The following NLGN1 variants were observed in gnomAD, a reference collection of about 807,000 sequenced individuals.
NLGN1 encodes the protein neuroligin-1.
A neutral mutation model predicts 65.5 loss-of-function variants in NLGN1; 12 were observed. That is an observed-to-expected ratio of 0.18 (90% confidence interval 0.12 to 0.30). The LOEUF is 0.30. Ranked by LOEUF, NLGN1 falls within the 10% of genes least tolerant of loss-of-function variation. The pLI is 1.00. For synonymous variants in NLGN1, 350 were observed against 359.5 expected (o/e 0.97, Z 0.30); for missense variants, 750 against 1,007.1 (o/e 0.74, Z 3.46).
chr3:173,823,077 A>G (rs1383155564), intron 4 of NLGN1, among the ~76,000 whole-genome samples: 1 of 152,048 alleles, frequency 6.6e-6, no homozygotes, highest in Non-Finnish European at 1.5e-5. Context: ...TTGCATCAAG[A>G]TCAACAAATC....
intron 4 of NLGN1, among the ~76,000 whole-genome samples, chr3:174,111,964 A>G (rs987877511): frequency 4.6e-5 from 7 of 151,962 alleles, no homozygotes; most frequent in Non-Finnish European, 8.8e-5. Context: ...TAGTCCTGGA[A>G]CTGCCAATTT....
chr3:173,505,477 C>A (rs1371523699), intron 2 of NLGN1, among the ~76,000 whole-genome samples: 3 of 151,986 alleles, frequency 2.0e-5, no homozygotes, highest in Admixed American at 1.3e-4. Context: ...CCCATAATGC[C>A]CTTTAGAATT....
chr3:173,673,408 C>T (rs886420089), intron 3 of NLGN1, among the ~76,000 whole-genome samples: 1 of 152,084 alleles, frequency 6.6e-6, no homozygotes, highest in Admixed American at 6.6e-5. Flanking sequence ...AAATCAGTAT[C>T]AGAACATTAG....
intron 3 of NLGN1, among the ~76,000 whole-genome samples, chr3:173,800,731 TA>T (rs888745094): frequency 1.4e-4 from 21 of 151,944 alleles, no homozygotes; most frequent in African/African-American, 5.1e-4. Flanking sequence ...TCTATGTAAA[TA>T]TTTTCCCGAA....
At chr3:173,825,756 T>A (rs1413129932) in intron 4 of NLGN1, among the ~76,000 whole-genome samples, 1 of 152,072 alleles carries the variant, frequency 6.6e-6, no homozygotes, top group Non-Finnish European at 1.5e-5. Flanking sequence ...TTATATCAGA[T>A]CCTAACATGC....
chr3:174,124,525 GTACT>G (rs201556695), intron 4 of NLGN1, among the ~76,000 whole-genome samples: 2,526 of 147,302 alleles, frequency 0.017, 29 homozygotes, highest in Non-Finnish European at 0.024. Context: ...ATATACATAT[GTACT>G]TACTTATATA....
At chr3:173,868,024 A>G (rs189618042) in intron 4 of NLGN1, among the ~76,000 whole-genome samples, 12 of 152,348 alleles carry the variant, frequency 7.9e-5, no homozygotes, top group African/African-American at 2.4e-4. Context: ...GATCCTCTAC[A>G]TATCTTAAAT....
chr3:173,740,746 C>A (rs1398029425), intron 3 of NLGN1, among the ~76,000 whole-genome samples: 1 of 151,992 alleles, frequency 6.6e-6, no homozygotes, highest in African/African-American at 2.4e-5. Flanking sequence ...GGCAAGGAAG[C>A]AATCATGTGT....
intron 2 of NLGN1, among the ~76,000 whole-genome samples, chr3:173,448,169 G>T (rs1720742942): frequency 6.6e-6 from 1 of 152,050 alleles, no homozygotes; most frequent in Admixed American, 6.5e-5. Flanking sequence ...TCCAGTTTTT[G>T]TCCATTCAGT....
At chr3:174,023,302 T>G (rs530975018) in intron 4 of NLGN1, among the ~76,000 whole-genome samples, 1 of 152,320 alleles carries the variant, frequency 6.6e-6, no homozygotes, top group South Asian at 2.1e-4. Context: ...AGCCAAGTTA[T>G]ATGATTCTAG....
At chr3:173,407,845 T>C (rs941216112) in intron 1 of NLGN1, among the ~76,000 whole-genome samples, 1 of 152,232 alleles carries the variant, frequency 6.6e-6, no homozygotes, top group Non-Finnish European at 1.5e-5. Context: ...GTTTAGGGCC[T>C]CTGCAGATTA....
At chr3:173,895,527 C>T (rs1177520117) in intron 4 of NLGN1, among the ~76,000 whole-genome samples, 9 of 152,142 alleles carry the variant, frequency 5.9e-5, no homozygotes, top group Non-Finnish European at 7.3e-5. Context: ...TGGAGACACT[C>T]GACTTCCCAG....
At chr3:173,416,307 T>C (rs190510659) in intron 1 of NLGN1, among the ~76,000 whole-genome samples, 9 of 152,272 alleles carry the variant, frequency 5.9e-5, no homozygotes, top group Admixed American at 5.2e-4. Context: ...ATAGAGATAA[T>C]ATCTTCCTCA....
chr3:173,539,984 A>T (rs1186828876), intron 2 of NLGN1, among the ~76,000 whole-genome samples: 1 of 151,170 alleles, frequency 6.6e-6, no homozygotes, highest in Non-Finnish European at 1.5e-5. Context: ...GGGCAACTTT[A>T]TAATGGTTTA....
intron 2 of NLGN1, among the ~76,000 whole-genome samples, chr3:173,553,747 A>G (rs190882309): frequency 1.1e-4 from 17 of 152,250 alleles, no homozygotes; most frequent in Admixed American, 9.2e-4. Context: ...AAGAATAATC[A>G]GCTACACAGC....
chr3:173,487,206 G>A (rs1435910321), intron 2 of NLGN1, among the ~76,000 whole-genome samples: 2 of 151,950 alleles, frequency 1.3e-5, no homozygotes, highest in African/African-American at 2.4e-5. Flanking sequence ...AACATATATG[G>A]TGTTCTCACC....
Position 173,810,689 on chromosome 3 carries a change from G to A in NLGN1, c.646+2857G>A, listed in dbSNP as rs75332719. 2.3e-3 allele frequency among the ~76,000 whole-genome samples: 351 copies of A among 152,172 alleles called. 2 individuals are homozygous for A. Among genetic ancestry groups the A allele is most frequent in the African/African-American group, 7.4e-3 (306 of 41,526 alleles). On this transcript the variant is annotated intron_variant, in intron 4 of 6. Coordinates refer to ENST00000457714, the Ensembl canonical transcript of NLGN1. The stretch of plus-strand genomic sequence containing the variant: ...TGATAATGTTTTAATTAGAAAATTC[G>A]TACAGCTATCTAGCTGCCAATTTTT...
chr3:173,617,565 TGAA>T (rs1753306858), intron 3 of NLGN1, among the ~76,000 whole-genome samples: 1 of 152,164 alleles, frequency 6.6e-6, no homozygotes, highest in African/African-American at 2.4e-5. Flanking sequence ...GCTCCCCAAA[TGAA>T]GTAAATTTCA....
At chr3:173,981,949 TA>T (rs759158905) in intron 4 of NLGN1, among the ~76,000 whole-genome samples, 3 of 152,092 alleles carry the variant, frequency 2.0e-5, no homozygotes, top group African/African-American at 4.8e-5. Flanking sequence ...TAACAGCTGA[TA>T]TTTTTTATTA....
Sources: allele counts gnomAD v4.1 joint callset (sites outside exome capture counted in the v4.1 genomes callset), GRCh38; gene constraint gnomAD v4.1.1; transcripts MANE v1.5; gene names NCBI Gene and HGNC (gene_info 2026-07-23, HGNC 2026-07-21).